Variants in GABRA2 observed in about 807,000 individuals in gnomAD.
The protein encoded by GABRA2 is gamma-aminobutyric acid receptor subunit alpha-2.
A neutral mutation model predicts 48.7 loss-of-function variants in GABRA2; 16 were observed. The ratio of observed to expected loss-of-function variants is 0.33; its 90% confidence interval spans 0.22 to 0.50. The LOEUF is 0.50. Ranked by LOEUF, GABRA2 falls within the 20% of genes least tolerant of loss-of-function variation. GABRA2 has a pLI of 0.98. For synonymous variants in GABRA2, 185 were observed against 184.5 expected, an observed-to-expected ratio of 1.00 and a Z score of -0.02; for missense variants, 275 against 535.6, an observed-to-expected ratio of 0.51 and a Z score of 4.80.
At chr4:46,345,070 TCATGATAGTGAGTGAGTTCTCA>T (rs1452416522) in intron 3 of GABRA2, among the ~76,000 whole-genome samples, 1 of 151,896 alleles carries the variant, frequency 6.6e-6, no homozygotes, top group Non-Finnish European at 1.5e-5. Context: ...TATGCTGTTC[TCATGATAGTGAGTGAGTTCTCA>T]CGAGATCCAA....
chr4:46,347,810 A>T, intron 3 of GABRA2, among the ~76,000 whole-genome samples: 1 of 151,970 alleles, frequency 6.6e-6, no homozygotes, highest in Middle Eastern at 3.2e-3. Flanking sequence ...AGAGAAAAAA[A>T]CACAGACTGG....
intron 8 of GABRA2, among the ~76,000 whole-genome samples, chr4:46,270,405 A>C (rs1049420683): frequency 1.3e-5 from 2 of 152,010 alleles, no homozygotes; most frequent in Non-Finnish European, 2.9e-5. Context: ...GAGATAGTGC[A>C]CTTACCTGGA....
At chr4:46,380,887 C>T (rs1254533565) in intron 3 of GABRA2, among the ~76,000 whole-genome samples, 1 of 152,158 alleles carries the variant, frequency 6.6e-6, no homozygotes, top group Non-Finnish European at 1.5e-5. Flanking sequence ...TCTCCACAGT[C>T]TAAGGATAAA....
intron 3 of GABRA2, among the ~76,000 whole-genome samples, chr4:46,372,829 C>G (rs1715107137): frequency 6.6e-6 from 1 of 152,164 alleles, no homozygotes; most frequent in African/African-American, 2.4e-5. Context: ...ACACCACCCT[C>G]TCTAAGAGGG....
chr4:46,305,389 T>C (rs1726502139), intron 7 of GABRA2, among the ~76,000 whole-genome samples, 179 bp downstream of exon 7: 1 of 149,196 alleles, frequency 6.7e-6, no homozygotes, highest in African/African-American at 2.5e-5. Flanking sequence ...ATTGTGCACA[T>C]GTACCCTAAA....
At chr4:46,387,748 C>A (rs1256743865) in intron 2 of GABRA2, among the ~76,000 whole-genome samples, 1 of 152,044 alleles carries the variant, frequency 6.6e-6, no homozygotes, top group Non-Finnish European at 1.5e-5. Context: ...TGTTTTCATA[C>A]TTTGACCATT....
chr4:46,264,204 T>C (rs1241661084), intron 8 of GABRA2, among the ~76,000 whole-genome samples: 1 of 152,076 alleles, frequency 6.6e-6, no homozygotes, highest in African/African-American at 2.4e-5. Flanking sequence ...TGAATTTGTT[T>C]AATAGCTGTA....
chr4:46,280,528 T>C (rs1035774955), intron 8 of GABRA2, among the ~76,000 whole-genome samples: 2 of 152,158 alleles, frequency 1.3e-5, no homozygotes, highest in Non-Finnish European at 2.9e-5. Context: ...TTTGAGTATA[T>C]TGGAGAGCCA....
At position 46,303,503 on chromosome 4, in the gene GABRA2, T is replaced by C; in HGVS notation, c.813A>G (p.Ser271=). The C allele has an allele frequency of 6.2e-7, 1 of 1,614,092 alleles. No individual in the cohort carries two copies. The highest frequency in any genetic ancestry group is 1.1e-5 in the South Asian group (1 of 91,082). ...CIMTVILSQV[S]FWLNRESVPA... is the part of the protein sequence containing the mutation. ...GCACAGATTCTCTGTTAAGCCAGAA[T>C]GAAACTTGGGAGAGAATGACAGTCA... The change falls in exon 8 of 10, where the codon TCA becomes TCG. Residue 271 remains serine, a synonymous_variant. Coordinates refer to ENST00000381620, the MANE Select transcript of GABRA2 (RefSeq NM_000807.4).
At position 46,386,157 on chromosome 4, in the gene GABRA2, G is replaced by T. The variant is rs1224995237; in HGVS notation, c.104C>A (p.Ala35Asp). The T allele has an allele frequency of 6.2e-7, 1 of 1,610,440 alleles. No individual in the cohort carries two copies. The highest frequency in any genetic ancestry group is 8.5e-7 in the Non-Finnish European group (1 of 1,178,574). Reference protein sequence around the residue: ...LVLANIQEDEAKNNITIFTRI... With the variant: ...LVLANIQEDEDKNNITIFTRI... Reference sequence around the variant, plus strand: ...CGTAAAGATGGTAATGTTATTTTTAGCCTCATCTTCTTGGATGTTAGCCAG... The same window carrying T: ...CGTAAAGATGGTAATGTTATTTTTATCCTCATCTTCTTGGATGTTAGCCAG... The change falls in exon 3 of 10, where the codon GCT becomes GAT. Residue 35 changes from alanine to aspartate, a missense_variant. Coordinates refer to ENST00000381620, the MANE Select transcript of GABRA2 (RefSeq NM_000807.4).
At chr4:46,329,905 T>G (rs1018350221) in intron 4 of GABRA2, among the ~76,000 whole-genome samples, 1 of 152,012 alleles carries the variant, frequency 6.6e-6, no homozygotes, top group African/African-American at 2.4e-5. Flanking sequence ...TCATAGAAAT[T>G]TTTTTAGGCT....
At chr4:46,330,579 T>TAG (rs1268003888) in intron 4 of GABRA2, among the ~76,000 whole-genome samples, 348 of 113,758 alleles carry the variant, frequency 3.1e-3, no homozygotes, top group Non-Finnish European at 4.6e-3. Context: ...TATATATATA[T>TAG]ATATATATAT....
At chr4:46,387,348 TAA>T (rs751458310) in intron 2 of GABRA2, among the ~76,000 whole-genome samples, 1 of 152,204 alleles carries the variant, frequency 6.6e-6, no homozygotes, top group Non-Finnish European at 1.5e-5. Context: ...AAAATATTAT[TAA>T]AAGTGTCCAT....
rs546061050 is a variant in GABRA2, at chr4:46,272,010, T to C, written c.857-9882A>G. On this transcript the variant is annotated intron_variant, in intron 8 of 9. Coordinates refer to ENST00000381620, the MANE Select transcript of GABRA2 (RefSeq NM_000807.4). ...TATGTCTTTACTTAATAAATTATTATTAAGTGCCTACTAAATGTCAGGTAC... is the reference window on the plus strand; with the variant it reads ...TATGTCTTTACTTAATAAATTATTACTAAGTGCCTACTAAATGTCAGGTAC... Among the ~76,000 whole-genome samples the C allele has an allele frequency of 3.3e-5, 5 of 152,036 alleles. 1 individual carries two copies. Among genetic ancestry groups the C allele is most frequent in the African/African-American group, 1.2e-4 (5 of 41,536 alleles).
chr4:46,377,846 C>T (rs1460064007), intron 3 of GABRA2, among the ~76,000 whole-genome samples: 9 of 147,604 alleles, frequency 6.1e-5, no homozygotes, highest in African/African-American at 2.0e-4. Context: ...CTGCCCCGTC[C>T]GGGAGGGAGG....
At chr4:46,265,550 T>C (rs1204073761) in intron 8 of GABRA2, among the ~76,000 whole-genome samples, 1 of 149,062 alleles carries the variant, frequency 6.7e-6, no homozygotes, top group Non-Finnish European at 1.5e-5. Context: ...TTCCTGATTT[T>C]AGTAATTTGA....
chr4:46,313,063 T>A (rs1727920318), intron 4 of GABRA2, among the ~76,000 whole-genome samples: 1 of 151,596 alleles, frequency 6.6e-6, no homozygotes, highest in Admixed American at 6.6e-5. Context: ...TCTGGTTGAA[T>A]TATTTTAAGT....
At chr4:46,265,500 ATATG>A (rs1560448953) in intron 8 of GABRA2, among the ~76,000 whole-genome samples, 1 of 101,448 alleles carries the variant, frequency 9.9e-6, no homozygotes, top group African/African-American at 5.7e-5. Flanking sequence ...ATATATATAT[ATATG>A]TTTTCTCTAT....
At position 46,390,051 on chromosome 4, in the gene GABRA2, G is replaced by C. The variant is rs566923446; in HGVS notation, c.-327C>G. The C allele has an allele frequency of 1.2e-5, 4 of 343,286 alleles. No homozygotes were observed. Among genetic ancestry groups the C allele is most frequent in the South Asian group, 1.2e-4 (1 of 8,124 alleles). The allele number at this position is 343,286 out of a possible 1,614,324, so 21.3% of individuals were successfully genotyped here. A position where few individuals can be genotyped will look rare whatever the true frequency, so the allele number is the denominator to read the frequency against. ...AGGGGGAAAACGATGACAGGAGCTG[G>C]GGCCGGGGGGGGAAATTGGGGGGAC... On this transcript the variant is annotated 5_prime_UTR_variant, in exon 1 of 10. Coordinates refer to ENST00000381620, the MANE Select transcript of GABRA2 (RefSeq NM_000807.4).
Sources: gnomAD v4.1 joint callset for allele counts (sites outside exome capture counted in the v4.1 genomes callset) on GRCh38, gnomAD v4.1.1 for gene constraint, MANE v1.5 for transcripts, NCBI Gene and HGNC (gene_info 2026-07-23, HGNC 2026-07-21) for gene names.